LAMA3: variants seen among roughly 807,000 people sequenced by gnomAD.
LAMA3 encodes the protein laminin subunit alpha-3.
Under a neutral mutation model 402.0 loss-of-function variants are expected in LAMA3, and 281 were observed. The ratio of observed to expected loss-of-function variants is 0.70; its 90% CI spans 0.63 to 0.77. The LOEUF (loss-of-function observed/expected upper bound fraction) is 0.77, where lower values mean the gene tolerates loss of function less well. Ranked by LOEUF, LAMA3 falls within the 30% of genes least tolerant of loss-of-function variation. The pLI is 0.00. For synonymous variants in LAMA3, 1,431 were observed against 1,558.4 expected, an observed-to-expected ratio of 0.92 and a Z score of 1.93; for missense variants, 3,840 against 4,215.5, an observed-to-expected ratio of 0.91 and a Z score of 2.47.
Position 23,904,968 on chromosome 18 carries a change from G to A in LAMA3, c.6615+274G>A, listed in dbSNP as rs116941199. On this transcript the variant is annotated intron_variant, in intron 51 of 74. Coordinates refer to ENST00000313654, the MANE Select transcript of LAMA3 (RefSeq NM_198129.4). The stretch of plus-strand genomic sequence containing the variant: ...AATATTATATCCTATATCTTACCAG[G>A]TATGCTTCTATGCTGTGATCATTAG... Among the ~76,000 whole-genome samples, 633 of 151,978 alleles carry A rather than the reference G, an allele frequency of 4.2e-3. 7 individuals carry two copies. Among genetic ancestry groups the A allele is most frequent in the Middle Eastern group, 0.014 (4 of 294 alleles).
At chr18:23,815,755 G>T (rs556224087) in intron 17 of LAMA3, among the ~76,000 whole-genome samples, 182 bp downstream of exon 17, 7 of 152,168 alleles carry the variant, frequency 4.6e-5, no homozygotes, top group Admixed American at 4.6e-4. Flanking sequence ...TGCAAGTGGG[G>T]CTGTTTCTAC....
chr18:23,763,989 T>C (rs559380353), intron 8 of LAMA3, among the ~76,000 whole-genome samples: 3 of 152,314 alleles, frequency 2.0e-5, no homozygotes, highest in African/African-American at 7.2e-5. Flanking sequence ...ATTCCTTCTG[T>C]AGGACAACTG....
chr18:23,805,824 G>A (rs2062952345), intron 12 of LAMA3, among the ~76,000 whole-genome samples: 1 of 152,150 alleles, frequency 6.6e-6, no homozygotes, highest in Non-Finnish European at 1.5e-5. Flanking sequence ...GAAAAGGCTG[G>A]GAGAAAGATT....
At position 23,839,686 on chromosome 18, in the gene LAMA3, C is replaced by T; in HGVS notation, c.3192-99C>T. The stretch of plus-strand genomic sequence containing the variant: ...CCCAGCACTGGATCCTTTTGATGCC[C>T]ATGCAGTCCTATGCTCCAAGTCTGT... On this transcript the variant is annotated intron_variant, in intron 26 of 74. Transcript: ENST00000313654. This position sits in a 1 kb window ranked among gnomAD's most constrained non-coding sequence, Gnocchi z 4.5. The T allele has an allele frequency of 1.6e-6, 2 of 1,260,354 alleles. No individual in the cohort carries two copies. Among genetic ancestry groups the T allele is most frequent in the South Asian group, 1.2e-5 (1 of 82,404 alleles). 78.1% of individuals were successfully genotyped at this position (1,260,354 alleles called of 1,614,324 possible).
At chr18:23,708,448 GAGAATTGGTA>G (rs1375881804) in intron 1 of LAMA3, among the ~76,000 whole-genome samples, 13 of 152,084 alleles carry the variant, frequency 8.5e-5, no homozygotes, top group Non-Finnish European at 1.8e-4. Flanking sequence ...TTAATTTGGG[GAGAATTGGTA>G]AGTTTTTGAT....
rs114942311 is a variant in LAMA3 at position 23,715,215 on chromosome 18, G to A, written c.447+1143G>A. ...GGTTGGACAACTCTGTGAATATGCC[G>A]AAGACCATTGGCATGTACACTTTAG... On this transcript the variant is annotated intron_variant, in intron 2 of 74. Coordinates refer to ENST00000313654, the MANE Select transcript of LAMA3 (RefSeq NM_198129.4). Among the ~76,000 whole-genome samples the A allele has an allele frequency of 3.7e-3, 555 of 151,710 alleles. 4 individuals are homozygous for A. The highest frequency in any genetic ancestry group is 0.013 in the African/African-American group (532 of 41,302).
chr18:23,698,369 G>A (rs2060725385), intron 1 of LAMA3, among the ~76,000 whole-genome samples: 1 of 152,056 alleles, frequency 6.6e-6, no homozygotes, highest in Admixed American at 6.6e-5. Flanking sequence ...ATCACGCCCA[G>A]CTAATTTTTC....
chr18:23,726,285 A>G (rs2145975258), intron 2 of LAMA3, among the ~76,000 whole-genome samples: 1 of 152,340 alleles, frequency 6.6e-6, no homozygotes, highest in Non-Finnish European at 1.5e-5. Flanking sequence ...AGCAGCTGGC[A>G]CAGCTCTCAT....
intron 60 of LAMA3, 138 bp from the exon 61 acceptor site, chr18:23,920,797 G>T: frequency 1.0e-6 from 1 of 984,000 alleles, no homozygotes; most frequent in Admixed American, 1.7e-5. Context: ...GGTTGCTGTT[G>T]CAGCACCATT....
chr18:23,791,688 C>G (rs1027140352), intron 12 of LAMA3, among the ~76,000 whole-genome samples: 1 of 145,278 alleles, frequency 6.9e-6, no homozygotes, highest in Non-Finnish European at 1.5e-5. Flanking sequence ...GAGCTGAGAT[C>G]GCACCACTGG....
chr18:23,744,331 A>G (rs979227892), intron 2 of LAMA3, among the ~76,000 whole-genome samples: 2 of 152,196 alleles, frequency 1.3e-5, no homozygotes, highest in African/African-American at 4.8e-5. Context: ...GCACATAAAC[A>G]TACATTGGGG....
At chr18:23,824,951 A>G (rs983468776) in intron 21 of LAMA3, among the ~76,000 whole-genome samples, 3 of 152,196 alleles carry the variant, frequency 2.0e-5, no homozygotes, top group East Asian at 3.9e-4. Flanking sequence ...ATTGCCTCAC[A>G]TCATAAGAAC....
At chr18:23,797,698 G>C (rs1366784539) in intron 12 of LAMA3, among the ~76,000 whole-genome samples, 1 of 151,238 alleles carries the variant, frequency 6.6e-6, no homozygotes, top group Non-Finnish European at 1.5e-5. Context: ...CTGGGCAACA[G>C]AGCGAGACTC....
Position 23,915,342 on chromosome 18 carries a change from C to T in LAMA3, c.7698C>T (p.Asp2566=). Residue 2566 remains aspartate (D), a synonymous_variant, in exon 59 of 75, where the codon GAC becomes GAT. Transcript: ENST00000313654. ...PPYKGCIELD[D]LNENVLSLYN... ...ACAAAGGTTGTATTGAATTAGATGA[C>T]CTCAATGAAAATGTTCTGAGCTTGT... The T allele has an allele frequency of 6.2e-7, 1 of 1,612,696 alleles. No individual in the cohort carries two copies. Among genetic ancestry groups the T allele is most frequent in the Non-Finnish European group, 8.5e-7 (1 of 1,178,740 alleles).
At chr18:23,821,821 G>A (rs1408319409) in intron 19 of LAMA3, among the ~76,000 whole-genome samples, 1 of 152,228 alleles carries the variant, frequency 6.6e-6, no homozygotes, top group Non-Finnish European at 1.5e-5. Flanking sequence ...TTATGTATGT[G>A]AAGCGGACTC....
chr18:23,944,007 T>C lies in LAMA3; in HGVS notation c.9210+36T>C, dbSNP rs1359492510. 4.4e-6 allele frequency: 7 copies of C among 1,598,484 alleles called. No homozygotes were observed. The African/African-American group carries it at 9.4e-5, about 21-fold the overall frequency. On this transcript the variant is annotated intron_variant, in intron 69 of 74. Coordinates refer to ENST00000313654, the MANE Select transcript of LAMA3 (RefSeq NM_198129.4). ...GGGCTGTGTCAGTATCTCCAGTTGG[T>C]GTGGAATTCACTGTTGGAGTCGCTG...
chr18:23,935,482 G>T (rs976032937), intron 67 of LAMA3, among the ~76,000 whole-genome samples: 1 of 152,182 alleles, frequency 6.6e-6, no homozygotes, highest in Non-Finnish European at 1.5e-5. Flanking sequence ...AGTTTGGATG[G>T]AATAGGACAT....
intron 23 of LAMA3, among the ~76,000 whole-genome samples, chr18:23,828,462 G>A (rs2063428108): frequency 6.6e-6 from 1 of 152,054 alleles, no homozygotes; most frequent in Non-Finnish European, 1.5e-5. Context: ...TAAGTTTGCT[G>A]TATCCCTCCC....
chr18:23,950,365 A>T lies in LAMA3; in HGVS notation c.9642+206A>T, dbSNP rs112397737. Among the ~76,000 whole-genome samples the T allele has an allele frequency of 1.5e-3, 235 of 152,358 alleles. 1 individual carries two copies. Among genetic ancestry groups the T allele is most frequent in the African/African-American group, 5.1e-3 (213 of 41,580 alleles). ...TTAATTTTTAAAACTGGGAAAACTC[A>T]AACAAGTCGGGCTGAATTGCAGGTC... is the stretch of plus-strand genomic sequence containing the variant. On this transcript the variant is annotated intron_variant, in intron 72 of 74. Transcript: ENST00000313654.
Sources: gnomAD v4.1 joint callset for allele counts (sites outside exome capture counted in the v4.1 genomes callset) on GRCh38, gnomAD v4.1.1 for gene constraint, Gnocchi (gnomAD v3.1) non-coding constraint, MANE v1.5 for transcripts, NCBI Gene and HGNC (gene_info 2026-07-23, HGNC 2026-07-21) for gene names.